Variants in ATRNL1 observed in about 807,000 individuals in gnomAD.
ATRNL1 encodes the protein attractin-like protein 1.
Under a neutral mutation model 182.7 loss-of-function variants are expected in ATRNL1, and 95 were observed. That is an observed-to-expected ratio of 0.52 (90% CI 0.44 to 0.62). ATRNL1 has a LOEUF of 0.62. Among genes scored for constraint, ATRNL1 ranks in the 20% least tolerant of loss-of-function variants. The pLI is 0.00. For synonymous variants in ATRNL1, 576 were observed against 568.3 expected (o/e 1.01, Z -0.19); for missense variants, 1,471 against 1,679.5 (o/e 0.88, Z 2.17).
intron 26 of ATRNL1, among the ~76,000 whole-genome samples, chr10:115,550,773 T>C (rs1329839085): frequency 2.0e-5 from 3 of 151,762 alleles, no homozygotes; most frequent in African/African-American, 7.2e-5. Flanking sequence ...AAATTATAGA[T>C]TCAGGAAGGA....
chr10:115,705,575 G>C (rs1161785850), intron 26 of ATRNL1, among the ~76,000 whole-genome samples: 1 of 151,758 alleles, frequency 6.6e-6, no homozygotes, highest in Non-Finnish European at 1.5e-5. Context: ...AGTAAAATAT[G>C]CATGTACTAT....
chr10:115,809,958 G>C (rs1262336049), intron 27 of ATRNL1, among the ~76,000 whole-genome samples: 1 of 151,750 alleles, frequency 6.6e-6, no homozygotes, highest in African/African-American at 2.4e-5. Context: ...CAGAGTTTAG[G>C]AAATTTTCTA....
chr10:115,099,739 A>C (rs908342717), intron 1 of ATRNL1, among the ~76,000 whole-genome samples: 7 of 152,160 alleles, frequency 4.6e-5, no homozygotes, highest in African/African-American at 7.2e-5. Flanking sequence ...ATCTTCTGTA[A>C]TAGGCATTTA....
At chr10:115,667,051 T>G (rs530430613) in intron 26 of ATRNL1, among the ~76,000 whole-genome samples, 10 of 152,246 alleles carry the variant, frequency 6.6e-5, no homozygotes, top group Non-Finnish European at 1.3e-4. Flanking sequence ...AATATGTACA[T>G]TTTGGTAGTG....
intron 26 of ATRNL1, among the ~76,000 whole-genome samples, chr10:115,576,750 T>A (rs1225809658): frequency 2.0e-5 from 3 of 151,994 alleles, no homozygotes; most frequent in Non-Finnish European, 2.9e-5. Context: ...ATAGTCTCAT[T>A]TCTTAATTTT....
chr10:115,878,323 A>C (rs1050776093), intron 28 of ATRNL1, among the ~76,000 whole-genome samples: 3 of 152,262 alleles, frequency 2.0e-5, no homozygotes, highest in East Asian at 3.9e-4. Context: ...TACTTATTGC[A>C]TGGCTTAGGC....
At chr10:115,757,967 G>C (rs538239423) in intron 27 of ATRNL1, among the ~76,000 whole-genome samples, 1 of 151,690 alleles carries the variant, frequency 6.6e-6, no homozygotes, top group South Asian at 2.1e-4. Context: ...TGATACTTGT[G>C]TATGCTTCAC....
intron 27 of ATRNL1, among the ~76,000 whole-genome samples, chr10:115,756,708 G>C (rs1948599252): frequency 6.6e-6 from 1 of 152,066 alleles, no homozygotes; most frequent in Non-Finnish European, 1.5e-5. Context: ...TTCAAGTCCT[G>C]GATATCCTTG....
At chr10:115,615,569 T>A (rs1555020485) in intron 26 of ATRNL1, among the ~76,000 whole-genome samples, 1 of 152,170 alleles carries the variant, frequency 6.6e-6, no homozygotes, top group East Asian at 1.9e-4. Context: ...AATCTAATGT[T>A]GAAATGTAAT....
At chr10:115,382,299 TATTA>T (rs1377729319) in intron 19 of ATRNL1, among the ~76,000 whole-genome samples, 2 of 152,174 alleles carry the variant, frequency 1.3e-5, no homozygotes, top group East Asian at 1.9e-4. Context: ...ATCTTACCAA[TATTA>T]ATTCTTCTTA....
chr10:115,349,276 C>A lies in ATRNL1; in HGVS notation c.3175+14857C>A, dbSNP rs564261190. On this transcript the variant is annotated intron_variant, in intron 19 of 28. Coordinates refer to ENST00000355044, the MANE Select transcript of ATRNL1 (RefSeq NM_207303.4). Reference sequence around the variant, plus strand: ...TTCTCTAGTTCCATCAGTGTCATTGCAAATGACAGGATTTCATTCTTTTTA... The same window carrying A: ...TTCTCTAGTTCCATCAGTGTCATTGAAAATGACAGGATTTCATTCTTTTTA... 2.0e-5 allele frequency among the ~76,000 whole-genome samples: 3 copies of A among 152,278 alleles called. No individual in the cohort carries two copies. The South Asian group carries it at 6.2e-4, about 32-fold the overall frequency.
intron 24 of ATRNL1, among the ~76,000 whole-genome samples, chr10:115,502,679 A>G (rs544323218): frequency 2.6e-4 from 39 of 152,218 alleles, no homozygotes; most frequent in Admixed American, 2.6e-3. Context: ...ACAGCTGTAC[A>G]TATGCTGGTA....
At chr10:115,357,286 CA>C (rs1212008330) in intron 19 of ATRNL1, among the ~76,000 whole-genome samples, 1 of 151,806 alleles carries the variant, frequency 6.6e-6, no homozygotes, top group East Asian at 1.9e-4. Flanking sequence ...TAGTACAGTT[CA>C]GAAGATTATA....
chr10:115,293,268 A>C (rs1554921448), intron 15 of ATRNL1, among the ~76,000 whole-genome samples: 1 of 152,032 alleles, frequency 6.6e-6, no homozygotes, highest in African/African-American at 2.4e-5. Flanking sequence ...AGTTTCTCTT[A>C]GGCAGCATAT....
chr10:115,362,893 G>A (rs1182428418), intron 19 of ATRNL1, among the ~76,000 whole-genome samples: 2 of 151,448 alleles, frequency 1.3e-5, no homozygotes, highest in Non-Finnish European at 3.0e-5. Context: ...GTGTATATGT[G>A]CCACATTTTC....
intron 15 of ATRNL1, among the ~76,000 whole-genome samples, chr10:115,292,470 C>G (rs1360423333): frequency 6.7e-6 from 1 of 149,752 alleles, no homozygotes; most frequent in African/African-American, 2.5e-5. Flanking sequence ...TGAAATCATT[C>G]TGTTTGTTTT....
intron 21 of ATRNL1, among the ~76,000 whole-genome samples, chr10:115,435,917 A>C (rs1308229136): frequency 6.6e-6 from 1 of 152,182 alleles, no homozygotes; most frequent in Non-Finnish European, 1.5e-5. Flanking sequence ...ATGACTCATA[A>C]CAGACCTTCA....
intron 26 of ATRNL1, 79 bp from the exon 27 acceptor site, chr10:115,727,169 A>C (rs1014917183): frequency 1.0e-6 from 1 of 973,878 alleles, no homozygotes; most frequent in African/African-American, 1.6e-5. Flanking sequence ...GCCATTTGTT[A>C]AAAGAGGGAA....
intron 8 of ATRNL1, among the ~76,000 whole-genome samples, chr10:115,178,392 A>G (rs1255755246): frequency 4.6e-5 from 7 of 152,178 alleles, no homozygotes; most frequent in Admixed American, 2.6e-4. Flanking sequence ...TTTGTTTGTC[A>G]CAGAGTGGAA....
Sources: allele counts gnomAD v4.1 joint callset (sites outside exome capture counted in the v4.1 genomes callset), GRCh38; gene constraint gnomAD v4.1.1; transcripts MANE v1.5; gene names NCBI Gene and HGNC (gene_info 2026-07-23, HGNC 2026-07-21).